Variants in SEPTIN7 observed in about 807,000 individuals in gnomAD.
SEPTIN7 encodes the protein septin-7.
Under a neutral mutation model 63.3 loss-of-function variants are expected in SEPTIN7, and 10 were observed. The observed-to-expected ratio is 0.16, with a 90% CI of 0.10 to 0.27. SEPTIN7 has a LOEUF of 0.27. Among genes scored for constraint, SEPTIN7 ranks in the 10% least tolerant of loss-of-function variants. The pLI is 1.00. For synonymous variants in SEPTIN7, 131 were observed against 165.3 expected, an observed-to-expected ratio of 0.79 and a Z score of 1.59; for missense variants, 310 against 521.0, an observed-to-expected ratio of 0.59 and a Z score of 3.94.
chr7:35,867,579 A>C (rs1785886403), intron 4 of SEPTIN7, among the ~76,000 whole-genome samples: 1 of 151,770 alleles, frequency 6.6e-6, no homozygotes, highest in South Asian at 2.1e-4. Flanking sequence ...CGAACTCCTG[A>C]CCTCACGTGA....
chr7:35,848,760 C>A (rs1784818033), intron 3 of SEPTIN7, among the ~76,000 whole-genome samples: 1 of 152,116 alleles, frequency 6.6e-6, no homozygotes, highest in African/African-American at 2.4e-5. Context: ...TCTAAATAAT[C>A]ATGAAGAAAA....
At chr7:35,848,484 A>G (rs779621418) in intron 3 of SEPTIN7, among the ~76,000 whole-genome samples, 4 of 151,850 alleles carry the variant, frequency 2.6e-5, no homozygotes, top group African/African-American at 7.3e-5. Context: ...GTTAGCCAGG[A>G]TGGTCTTGAT....
intron 1 of SEPTIN7, among the ~76,000 whole-genome samples, chr7:35,809,828 C>T (rs1275950200): frequency 6.6e-6 from 1 of 152,180 alleles, no homozygotes; most frequent in African/African-American, 2.4e-5. Flanking sequence ...TGATAATTCT[C>T]TCTGTTGAGA....
intron 3 of SEPTIN7, among the ~76,000 whole-genome samples, chr7:35,846,497 ATC>A (rs1169099560): frequency 3.3e-5 from 5 of 152,168 alleles, no homozygotes; most frequent in African/African-American, 1.2e-4. Context: ...TTGAGTGGAA[ATC>A]TCTTTTATTT....
At chr7:35,866,862 A>C (rs1048580415) in intron 4 of SEPTIN7, among the ~76,000 whole-genome samples, 3 of 152,236 alleles carry the variant, frequency 2.0e-5, no homozygotes, top group Non-Finnish European at 2.9e-5. Context: ...ACTTGAGCGC[A>C]CATCACAATC....
At chr7:35,851,660 G>A (rs959600039) in intron 3 of SEPTIN7, among the ~76,000 whole-genome samples, 1 of 152,122 alleles carries the variant, frequency 6.6e-6, no homozygotes, top group African/African-American at 2.4e-5. Flanking sequence ...TGATAGGACT[G>A]ATTATAGTTC....
Position 35,905,117 on chromosome 7 carries a change from A to C in SEPTIN7, c.*824A>C, listed in dbSNP as rs1402083245. On this transcript the variant is annotated 3_prime_UTR_variant, in exon 14 of 14. Transcript: ENST00000350320. The stretch of plus-strand genomic sequence containing the variant: ...ATGCATTTATAGATCATTTCTAGGC[A>C]AAATTGTGAAGCTAATGACCAACCT... The C allele has an allele frequency of 2.6e-5, 4 of 152,626 alleles. No homozygotes were observed. The East Asian group carries it at 7.7e-4, about 29-fold the overall frequency. 9.5% of individuals were successfully genotyped at this position (152,626 alleles called of 1,614,324 possible).
At chr7:35,840,638 T>A (rs972894476) in intron 3 of SEPTIN7, among the ~76,000 whole-genome samples, 4 of 149,982 alleles carry the variant, frequency 2.7e-5, no homozygotes, top group Admixed American at 2.0e-4. Flanking sequence ...AAAAAGGAAA[T>A]TTTTTTTTTC....
At chr7:35,874,664 T>G (rs141235158) in intron 6 of SEPTIN7, among the ~76,000 whole-genome samples, 1 of 152,260 alleles carries the variant, frequency 6.6e-6, no homozygotes, top group African/African-American at 2.4e-5. Flanking sequence ...TTTTGGCTTC[T>G]TGCTCTCTTT....
chr7:35,826,260 G>A (rs1783508584), intron 1 of SEPTIN7, among the ~76,000 whole-genome samples: 1 of 151,860 alleles, frequency 6.6e-6, no homozygotes, highest in South Asian at 2.1e-4. Flanking sequence ...ATACTAAGGA[G>A]TTGAGAAGTA....
At chr7:35,856,529 A>G (rs1785216344) in intron 3 of SEPTIN7, among the ~76,000 whole-genome samples, 1 of 152,198 alleles carries the variant, frequency 6.6e-6, no homozygotes, top group African/African-American at 2.4e-5. Context: ...CACTGCTCTT[A>G]AAGATCAGAT....
intron 4 of SEPTIN7, among the ~76,000 whole-genome samples, chr7:35,870,128 A>G (rs1280575371): frequency 2.6e-5 from 4 of 152,224 alleles, no homozygotes; most frequent in Non-Finnish European, 5.9e-5. Flanking sequence ...GATCTCTTCC[A>G]TATGTCGCTG....
intron 3 of SEPTIN7, among the ~76,000 whole-genome samples, chr7:35,839,528 G>GTTATGTTATGTT (rs1784298856): frequency 1.7e-5 from 2 of 120,516 alleles, no homozygotes; most frequent in Admixed American, 8.5e-5. Flanking sequence ...TGTAATTTAT[G>GTTATGTTATGTT]TTATGTTATG....
At position 35,817,186 on chromosome 7, in the gene SEPTIN7, A is replaced by G. The variant is rs74744970; in HGVS notation, c.62-14306A>G. Among the ~76,000 whole-genome samples, 1,357 of 151,756 alleles carry G rather than the reference A, an allele frequency of 8.9e-3. 29 individuals carry two copies. Among genetic ancestry groups the G allele is most frequent in the East Asian group, 0.08 (414 of 5,180 alleles). ...TTTTCTAAGAGTTTTATAGTTTTAG[A>G]CCTTTATGTTTAGGTTTTTGATCCA... On this transcript the variant is annotated intron_variant, in intron 1 of 13. Transcript: ENST00000350320.
At chr7:35,841,379 G>T (rs1430367722) in intron 3 of SEPTIN7, among the ~76,000 whole-genome samples, 1 of 152,180 alleles carries the variant, frequency 6.6e-6, no homozygotes, top group Non-Finnish European at 1.5e-5. Flanking sequence ...ATTGAATTAT[G>T]ATTCTTAATC....
chr7:35,851,623 G>T (rs1784964927), intron 3 of SEPTIN7, among the ~76,000 whole-genome samples: 1 of 152,100 alleles, frequency 6.6e-6, no homozygotes, highest in African/African-American at 2.4e-5. Flanking sequence ...TGTTTCCACA[G>T]ATCTTGTGTT....
At chr7:35,910,924 G>T (rs960716433), downstream of SEPTIN7, among the ~76,000 whole-genome samples, 3 of 152,210 alleles carry the variant, frequency 2.0e-5, no homozygotes, top group Admixed American at 6.5e-5. Context: ...GGCTATGCTT[G>T]TGTTTCTCCA....
At chr7:35,900,719 G>A (rs1788274880) in intron 12 of SEPTIN7, 1 of 152,118 alleles carries the variant, frequency 6.6e-6, no homozygotes, top group Non-Finnish European at 1.5e-5. Context: ...TAAATATTAC[G>A]AACAAGTAAT....
At chr7:35,818,431 G>A (rs141158661) in intron 1 of SEPTIN7, among the ~76,000 whole-genome samples, 29 of 151,946 alleles carry the variant, frequency 1.9e-4, no homozygotes, top group African/African-American at 6.7e-4. Context: ...GTTTTTACTC[G>A]ATGTGTTTGG....
Sources: allele counts gnomAD v4.1 joint callset (sites outside exome capture counted in the v4.1 genomes callset), GRCh38; gene constraint gnomAD v4.1.1; transcripts MANE v1.5; gene names NCBI Gene and HGNC (gene_info 2026-07-23, HGNC 2026-07-21).